TNRC6B: variants seen among roughly 807,000 people sequenced by gnomAD.
The protein encoded by TNRC6B is trinucleotide repeat containing adaptor 6B.
Under a neutral mutation model 203.6 loss-of-function variants are expected in TNRC6B, and 52 were observed. The observed-to-expected ratio is 0.26, with a 90% confidence interval of 0.20 to 0.32. TNRC6B has a LOEUF of 0.32. TNRC6B is among the 10% of genes least tolerant of loss of function. The pLI is 1.00. For missense variants in TNRC6B, 1,923 were observed against 2,286.2 expected (o/e 0.84, Z 3.24); for synonymous variants, 838 against 845.7 (o/e 0.99, Z 0.16).
At chr22:40,182,088 C>CA (rs1368027530) in intron 1 of TNRC6B, among the ~76,000 whole-genome samples, 1 of 151,606 alleles carries the variant, frequency 6.6e-6, no homozygotes, top group African/African-American at 2.4e-5. Context: ...ACTAAAAATA[C>CA]AAAAAAACTA....
intron 1 of TNRC6B, among the ~76,000 whole-genome samples, chr22:40,196,383 A>T (rs2069337777): frequency 6.6e-6 from 1 of 152,010 alleles, no homozygotes; most frequent in African/African-American, 2.4e-5. Flanking sequence ...CACATGTTAA[A>T]TCCTAATAGT....
chr22:40,145,776 A>C (rs567989017), intron 3 of TNRC6B, among the ~76,000 whole-genome samples: 3 of 152,072 alleles, frequency 2.0e-5, no homozygotes, highest in Non-Finnish European at 4.4e-5. Context: ...CAGGAGGCAG[A>C]GGTTGCAGTG....
intron 2 of TNRC6B, among the ~76,000 whole-genome samples, chr22:40,248,181 G>A (rs1349613119): frequency 6.6e-6 from 1 of 152,182 alleles, no homozygotes; most frequent in African/African-American, 2.4e-5. Context: ...CAGTATGCAG[G>A]TCCACCAGCT....
chr22:40,128,826 A>G (rs1028037729), intron 3 of TNRC6B, among the ~76,000 whole-genome samples: 5 of 152,108 alleles, frequency 3.3e-5, no homozygotes, highest in Non-Finnish European at 5.9e-5. Flanking sequence ...CCTGGCCTTC[A>G]ATAAATAATT....
rs1170391462 is a variant in TNRC6B at position 40,170,817 on chromosome 22, A to G, written c.113+14635A>G. 2.1e-4 allele frequency among the ~76,000 whole-genome samples: 12 copies of G among 56,806 alleles called. 1 individual carries two copies. Among genetic ancestry groups the G allele is most frequent in the Non-Finnish European group, 3.3e-4 (11 of 33,744 alleles). The allele number at this position is 56,806 out of a possible 152,430, so 37.3% of individuals were successfully genotyped here. On this transcript the variant is annotated intron_variant, in intron 4 of 23. Coordinates refer to the TNRC6B transcript ENST00000301923. Reference sequence around the variant, plus strand: ...TGTATATATACATATATGTACATATATGTGTGTGTATATACATATATGTAC... The same window carrying G: ...TGTATATATACATATATGTACATATGTGTGTGTGTATATACATATATGTAC...
In TNRC6B at chr22:40,315,410, T is replaced by C. The variant is rs760229969; in HGVS notation, c.4806T>C (p.Pro1602=). Reference sequence around the variant, plus strand: ...ACACTACACCGCTGCCCCGCCCACCTCCTGGTCTGACCAACCCCAAACCAT... The same window carrying C: ...ACACTACACCGCTGCCCCGCCCACCCCCTGGTCTGACCAACCCCAAACCAT... The part of the protein sequence containing the change: ...SRNTTPLPRP[P]PGLTNPKPSS... Residue 1602 remains proline (P), a synonymous_variant, in exon 20 of 23, where the codon CCT becomes CCC. Coordinates refer to ENST00000454349, the MANE Select transcript of TNRC6B (RefSeq NM_001162501.2). The C allele has an allele frequency of 6.2e-7, 1 of 1,613,878 alleles. No individual in the cohort carries two copies. Among genetic ancestry groups the C allele is most frequent in the Non-Finnish European group, 8.5e-7 (1 of 1,179,868 alleles).
chr22:40,271,671 A>G (rs1244336305), intron 6 of TNRC6B, among the ~76,000 whole-genome samples: 1 of 152,218 alleles, frequency 6.6e-6, no homozygotes, highest in Non-Finnish European at 1.5e-5. Context: ...ATCCTTTAGC[A>G]GTATATTCAG....
At chr22:40,153,483 G>T (rs1414090620) in intron 3 of TNRC6B, among the ~76,000 whole-genome samples, 2 of 151,336 alleles carry the variant, frequency 1.3e-5, no homozygotes, top group African/African-American at 4.9e-5. Context: ...ATTAAGAGGA[G>T]ATTTACAGTT....
intron 4 of TNRC6B, among the ~76,000 whole-genome samples, chr22:40,263,151 AAT>A (rs1231789307): frequency 2.0e-5 from 3 of 152,218 alleles, no homozygotes; most frequent in Non-Finnish European, 4.4e-5. Context: ...TTCAACTTAA[AAT>A]GTCTTTTGGG....
rs931684565 is a variant in TNRC6B, at chr22:40,323,910, C to T, written c.*669C>T. On this transcript the variant is annotated 3_prime_UTR_variant, in exon 23 of 23. Transcript: ENST00000454349. ...GTGTGCACGTGTGTTCATGTGCATT[C>T]GCGTGCATCCTTCTCTGTCTCTGTG... The T allele has an allele frequency of 6.6e-5, 10 of 152,310 alleles. No homozygotes were observed. The highest frequency in any genetic ancestry group is 2.2e-4 in the African/African-American group (9 of 41,406). 9.4% of individuals were successfully genotyped at this position (152,310 alleles called of 1,614,324 possible).
intron 2 of TNRC6B, among the ~76,000 whole-genome samples, chr22:40,121,871 T>C (rs1290244337): frequency 6.6e-6 from 1 of 152,238 alleles, no homozygotes; most frequent in Non-Finnish European, 1.5e-5. Context: ...ACTGTGTGCC[T>C]ATGGTTTATA....
rs1323616153 is a variant in TNRC6B, at chr22:40,303,700, T to G, written c.4120+2367T>G. ...GCGGAGGAGGGCAGATCACTTGAGGTCAGGAGTTCAAGACCAGCCTCCAAC... is the reference window on the plus strand; with the variant it reads ...GCGGAGGAGGGCAGATCACTTGAGGGCAGGAGTTCAAGACCAGCCTCCAAC... On this transcript the variant is annotated intron_variant, in intron 15 of 22. Coordinates refer to ENST00000454349, the MANE Select transcript of TNRC6B (RefSeq NM_001162501.2). Among the ~76,000 whole-genome samples the G allele has an allele frequency of 3.3e-5, 5 of 151,860 alleles. No homozygotes were observed. In the East Asian group the frequency reaches 9.8e-4, roughly 30 times the overall value.
At chr22:40,164,019 C>T (rs1016828510) in intron 4 of TNRC6B, among the ~76,000 whole-genome samples, 2 of 151,780 alleles carry the variant, frequency 1.3e-5, no homozygotes, top group Non-Finnish European at 2.9e-5. Flanking sequence ...AAGTTCCCAT[C>T]GACTGTTAAG....
At chr22:40,084,871 G>A (rs2068089037) in intron 1 of TNRC6B, among the ~76,000 whole-genome samples, 1 of 152,180 alleles carries the variant, frequency 6.6e-6, no homozygotes, top group Admixed American at 6.5e-5. Flanking sequence ...AAGTGCCTTG[G>A]TGTGCTAGCC....
chr22:40,083,865 T>G (rs776723663), intron 1 of TNRC6B, among the ~76,000 whole-genome samples: 1 of 152,094 alleles, frequency 6.6e-6, no homozygotes, highest in Non-Finnish European at 1.5e-5. Context: ...GTCATTGACA[T>G]TAGCTTAAAA....
In TNRC6B at chr22:40,132,951, A is replaced by AAAAT. The variant is rs1568992941; in HGVS notation, c.45+7092_45+7093insTAAA. Among the ~76,000 whole-genome samples the AAAAT allele has an allele frequency of 3.1e-4, 26 of 84,904 alleles. 1 individual carries two copies. Among genetic ancestry groups the AAAAT allele is most frequent in the Non-Finnish European group, 5.2e-4 (22 of 42,340 alleles). The allele number at this position is 84,904 out of a possible 152,430, so 55.7% of individuals were successfully genotyped here. A position where few individuals can be genotyped will look rare whatever the true frequency, so the allele number is the denominator to read the frequency against. ...AGAGCAAGACTCTGTCTCAAAAAAA[A>AAAAT]AAAAAAAAAAAAAAAAAAATATATA... is the stretch of plus-strand genomic sequence containing the variant. On this transcript the variant is annotated intron_variant, in intron 3 of 23. Coordinates refer to the TNRC6B transcript ENST00000301923.
At chr22:40,311,667 A>G (rs2071184726) in intron 17 of TNRC6B, among the ~76,000 whole-genome samples, 1 of 151,600 alleles carries the variant, frequency 6.6e-6, no homozygotes, top group African/African-American at 2.4e-5. Flanking sequence ...TCAGCCTCCC[A>G]AGTACCTGGG....
intron 1 of TNRC6B, among the ~76,000 whole-genome samples, chr22:40,200,805 G>T (rs1012870219): frequency 1.3e-5 from 2 of 152,088 alleles, no homozygotes; most frequent in African/African-American, 4.8e-5. Context: ...CAAAACCCCT[G>T]CCACTAGAGC....
intron 1 of TNRC6B, among the ~76,000 whole-genome samples, chr22:40,077,543 C>G (rs936476338): frequency 3.9e-5 from 6 of 152,132 alleles, no homozygotes; most frequent in African/African-American, 1.4e-4. Context: ...CTGAATCACA[C>G]ATACGGTGAT....
Sources: gnomAD v4.1 joint callset for allele counts (sites outside exome capture counted in the v4.1 genomes callset) on GRCh38, gnomAD v4.1.1 for gene constraint, MANE v1.5 for transcripts, NCBI Gene and HGNC (gene_info 2026-07-23, HGNC 2026-07-21) for gene names.